HMGB1: variants seen among roughly 807,000 people sequenced by gnomAD.
The protein encoded by HMGB1 is high mobility group box 1, also known as high mobility group protein B1.
For synonymous variants in HMGB1, 81 were observed against 84.0 expected, an observed-to-expected ratio of 0.96 and a Z score of 0.19; for missense variants, 79 against 253.5, an observed-to-expected ratio of 0.31 and a Z score of 4.67.
chr13:30,601,512 G>A (rs1950400882), intron 1 of HMGB1, among the ~76,000 whole-genome samples: 2 of 38,548 alleles, frequency 5.2e-5, no homozygotes, highest in African/African-American at 1.1e-3. Flanking sequence ...TTGGGAGGCC[G>A]AGGCGGGCGG....
At position 30,465,922 on chromosome 13, in the gene HMGB1, C is replaced by T. The variant is rs901503154; in HGVS notation, c.-141G>A. ...GCCAGACGCAGCCTCCTCACTCTCTCCGCTCTGTAACATTACTCTCCAGCC... is the reference window on the plus strand; with the variant it reads ...GCCAGACGCAGCCTCCTCACTCTCTTCGCTCTGTAACATTACTCTCCAGCC... On this transcript the variant is annotated 5_prime_UTR_variant, in exon 1 of 5. Coordinates refer to ENST00000341423, the MANE Select transcript of HMGB1 (RefSeq NM_002128.7). The T allele has an allele frequency of 2.0e-6, 2 of 985,980 alleles. No homozygotes were observed. The highest frequency in any genetic ancestry group is 3.5e-5 in the African/African-American group (2 of 57,254). The allele number at this position is 985,980 out of a possible 1,614,324, so 61.1% of individuals were successfully genotyped here.
chr13:30,538,578 TTC>T lies in HMGB1; in HGVS notation c.-14-74886_-14-74885del, dbSNP rs1475782280. On this transcript the variant is annotated intron_variant, in intron 1 of 4. Coordinates refer to the HMGB1 transcript ENST00000405805. The stretch of plus-strand genomic sequence containing the variant: ...CTTTTTCTTTCTTCTTTTTCTTTCT[TTC>T]TTTCTTTTTCTTTCTTCTTTTTCTT... 1.6e-3 allele frequency among the ~76,000 whole-genome samples: 230 copies of T among 145,458 alleles called. 24 individuals carry two copies. The highest frequency in any genetic ancestry group is 4.6e-3 in the Admixed American group (67 of 14,576).
intron 1 of HMGB1, among the ~76,000 whole-genome samples, chr13:30,518,137 G>A (rs1395084562): frequency 6.6e-6 from 1 of 152,058 alleles, no homozygotes; most frequent in Non-Finnish European, 1.5e-5. Flanking sequence ...TTTAAGACCA[G>A]CCTGGGCAAG....
At chr13:30,532,334 CAAAAA>C (rs34132409) in intron 1 of HMGB1, among the ~76,000 whole-genome samples, 1 of 113,340 alleles carries the variant, frequency 8.8e-6, no homozygotes. Context: ...GACTCTGTCT[CAAAAA>C]AAAAAAAAAA....
intron 1 of HMGB1, among the ~76,000 whole-genome samples, chr13:30,505,450 T>C (rs1199633916): frequency 6.6e-6 from 1 of 152,048 alleles, no homozygotes; most frequent in African/African-American, 2.4e-5. Context: ...AGTGCTGGGA[T>C]TACAGGTGTA....
In HMGB1 at chr13:30,456,760, C is replaced by CGGGGGGGGGGGG. The variant is rs386378689; in HGVS notation, c.*4585_*4596dup. The CGGGGGGGGGGGG allele has an allele frequency of 4.4e-4, 6 of 13,538 alleles. No individual in the cohort carries two copies. Among genetic ancestry groups the CGGGGGGGGGGGG allele is most frequent in the African/African-American group, 1.1e-3 (3 of 2,808 alleles). The allele number at this position is 13,538 out of a possible 1,614,324, so 0.8% of individuals were successfully genotyped here. ...CAGCATAAATAACAGCTTTTGTGGG[C>CGGGGGGGGGGGG]GGGGGGGGGGGGTGGTGGGGTGCAA... On this transcript the variant is annotated 3_prime_UTR_variant, in exon 5 of 5. Transcript: ENST00000341423.
intron 1 of HMGB1, among the ~76,000 whole-genome samples, chr13:30,505,705 G>T (rs535458313): frequency 1.3e-5 from 2 of 152,040 alleles, no homozygotes; most frequent in Non-Finnish European, 2.9e-5. Context: ...TCAACACAGG[G>T]CCCATCCCGT....
chr13:30,536,450 A>G (rs1463395040), intron 1 of HMGB1, among the ~76,000 whole-genome samples: 4 of 152,174 alleles, frequency 2.6e-5, no homozygotes, highest in African/African-American at 9.7e-5. Flanking sequence ...CCTGGGTTCA[A>G]GTGATTCTCC....
chr13:30,594,125 C>T (rs1394431204), intron 1 of HMGB1, among the ~76,000 whole-genome samples: 1 of 152,210 alleles, frequency 6.6e-6, no homozygotes, highest in African/African-American at 2.4e-5. Flanking sequence ...TATCTACACA[C>T]ACGTGTATTA....
exon 1 of HMGB1, chr13:30,617,443 G>T (rs1044569579): frequency 6.6e-6 from 1 of 152,014 alleles, no homozygotes; most frequent in Non-Finnish European, 1.5e-5. Flanking sequence ...CCGGCGGAGA[G>T]GGTCCATGGC....
intron 1 of HMGB1, among the ~76,000 whole-genome samples, chr13:30,576,818 T>A (rs918011320): frequency 3.3e-5 from 5 of 152,120 alleles, no homozygotes; most frequent in Admixed American, 1.3e-4. Context: ...CATCCTAAAC[T>A]CCTCCTTCCA....
At chr13:30,493,087 T>C (rs1593273853) in intron 1 of HMGB1, among the ~76,000 whole-genome samples, 1 of 146,828 alleles carries the variant, frequency 6.8e-6, no homozygotes, top group East Asian at 2.0e-4. Flanking sequence ...AAAATAAAAA[T>C]ATATGTTCAC....
At chr13:30,595,668 A>G (rs7990952) in intron 1 of HMGB1, among the ~76,000 whole-genome samples, 80,962 of 152,016 alleles carry the variant, frequency 0.53, 24,082 homozygotes, top group African/African-American at 0.8. Flanking sequence ...TGGGACGGCC[A>G]TCCTTTGAGG....
intron 1 of HMGB1, among the ~76,000 whole-genome samples, chr13:30,476,151 A>C (rs1217636788): frequency 1.7e-5 from 2 of 117,230 alleles, no homozygotes; most frequent in East Asian, 2.7e-4. Context: ...AGACACAGGT[A>C]GCATGTACTC....
intron 1 of HMGB1, among the ~76,000 whole-genome samples, chr13:30,534,470 A>G (rs995106791): frequency 1.3e-5 from 2 of 152,090 alleles, no homozygotes; most frequent in African/African-American, 4.8e-5. Flanking sequence ...ATTTAAGGAG[A>G]GCCTTGTCAA....
intron 2 of HMGB1, 69 bp downstream of exon 2, chr13:30,463,462 C>G: frequency 1.9e-6 from 3 of 1,543,856 alleles, no homozygotes; most frequent in Non-Finnish European, 2.7e-6. Flanking sequence ...GCCAACTAGG[C>G]TTTTTTTTGC....
At chr13:30,518,340 C>A (rs1888147616) in intron 1 of HMGB1, among the ~76,000 whole-genome samples, 1 of 152,144 alleles carries the variant, frequency 6.6e-6, no homozygotes, top group African/African-American at 2.4e-5. Context: ...CTGAAACAAG[C>A]AAAACAAAAC....
At chr13:30,580,111 C>T in intron 1 of HMGB1, among the ~76,000 whole-genome samples, 1 of 152,170 alleles carries the variant, frequency 6.6e-6, no homozygotes, top group Non-Finnish European at 1.5e-5. Context: ...CAGGGCTTCC[C>T]TCAAATAAAT....
At chr13:30,470,506 G>A (rs183579456), upstream of HMGB1, among the ~76,000 whole-genome samples, 1 of 152,298 alleles carries the variant, frequency 6.6e-6, no homozygotes, top group East Asian at 1.9e-4. Context: ...AACACATATA[G>A]TCTAAGCATT....
Sources: gnomAD v4.1 joint callset for allele counts (sites outside exome capture counted in the v4.1 genomes callset) on GRCh38, gnomAD v4.1.1 for gene constraint, MANE v1.5 for transcripts, NCBI Gene and HGNC (gene_info 2026-07-23, HGNC 2026-07-21) for gene names.